TDRD6: variants seen among roughly 807,000 people sequenced by gnomAD.
The protein encoded by TDRD6 is tudor domain containing 6, also known as tudor domain-containing protein 6.
Under a neutral mutation model 157.5 loss-of-function variants are expected in TDRD6, and 186 were observed. That is an observed-to-expected ratio of 1.18 (90% CI 1.05 to 1.33). TDRD6 has a LOEUF of 1.33. TDRD6 is among the 40% of genes most tolerant of loss of function. The probability of loss-of-function intolerance (pLI) is 0.00; values close to 1 mark genes in which losing one functional copy is unlikely to be tolerated. For missense variants in TDRD6, 3,066 were observed against 2,508.0 expected (o/e 1.22, Z -4.75); for synonymous variants, 1,075 against 945.2 (o/e 1.14, Z -2.52).
chr6:46,689,297 G>T lies in TDRD6; in HGVS notation c.1169G>T (p.Arg390Leu). The change falls in exon 1 of 4, where the codon CGG (arginine) becomes CTG (leucine). Residue 390 changes from arginine to leucine, a missense_variant. Physicochemically the swap from Arg to Leu is moderately radical, Grantham distance 102 (BLOSUM62 -2). Coordinates refer to ENST00000316081, the MANE Select transcript of TDRD6 (RefSeq NM_001010870.3). ...TGGGACGGTGGGAGAGGCTGGTCTCGGTCACAGGTCGGTGACCTGAAGACA... is the reference window on the plus strand; with the variant it reads ...TGGGACGGTGGGAGAGGCTGGTCTCTGTCACAGGTCGGTGACCTGAAGACA... Reference protein sequence around the residue: ...GLWDGGRGWSRSQVGDLKTLI... With the variant: ...GLWDGGRGWSLSQVGDLKTLI... 6.2e-7 allele frequency: 1 copy of T among 1,614,114 alleles called. No homozygotes were observed. The highest frequency in any genetic ancestry group is 8.5e-7 in the Non-Finnish European group (1 of 1,180,012).
rs775208684 is a variant in TDRD6, at chr6:46,688,599, C to A, written c.471C>A (p.Phe157Leu). ...PQHWPADAVD[F>L]LSNLQGKEVH... is the part of the protein sequence containing the mutation. ...ACTGGCCCGCCGACGCCGTGGACTT[C>A]CTTAGCAACCTTCAGGGCAAGGAGG... The change falls in exon 1 of 4, where the codon TTC (phenylalanine) becomes TTA (leucine). Residue 157 changes from phenylalanine to leucine, a missense_variant. Transcript: ENST00000316081. 3.1e-6 allele frequency: 5 copies of A among 1,598,872 alleles called. No individual in the cohort carries two copies. The highest frequency in any genetic ancestry group is 3.4e-6 in the Non-Finnish European group (4 of 1,179,630).
rs190343514 is a variant in TDRD6 at position 46,693,361 on chromosome 6, C to T, written c.5233C>T (p.Gln1745Ter). The T allele has an allele frequency of 1.2e-6, 2 of 1,609,692 alleles. No homozygotes were observed. The highest frequency in any genetic ancestry group is 2.2e-5 in the South Asian group (2 of 90,368). ...KAVQNKIYME[Q>*]QTDELAEITE... ...TGTACAAAATAAAATATATATGGAA[C>T]AACAGACAGATGAGCTTGCTGAAAT... Residue 1745 changes from glutamine (Q) to a stop codon, truncating the protein, a stop_gained, in exon 1 of 4, where the codon CAA (glutamine) becomes TAA (stop). Coordinates refer to ENST00000316081, the MANE Select transcript of TDRD6 (RefSeq NM_001010870.3). LOFTEE classifies it high-confidence loss of function.
In TDRD6 at chr6:46,691,885, T is replaced by C. The variant is rs2150679436; in HGVS notation, c.3757T>C (p.Leu1253=). The change falls in exon 1 of 4, where the codon TTA becomes CTA. Residue 1253 remains leucine, a synonymous_variant. Coordinates refer to ENST00000316081, the MANE Select transcript of TDRD6 (RefSeq NM_001010870.3). ...VGNKNSQVFP[L]TTEKKEEISA... ...AAATAAAAATAGTCAAGTGTTTCCA[T>C]TAACAACAGAAAAGAAAGAAGAAAT... 6 of 1,594,190 alleles carry C rather than the reference T, an allele frequency of 3.8e-6. 1 individual carries two copies. In the South Asian group the frequency reaches 5.7e-5, roughly 15 times the overall value.
In TDRD6 at chr6:46,688,982, A is replaced by G. The variant is rs773738181; in HGVS notation, c.854A>G (p.Gln285Arg). ...CACCGCCTCTCCGAGAGCATGGCCC[A>G]GGTATACCGGGGTTCCACGGGGACA... is the stretch of plus-strand genomic sequence containing the variant. Reference protein sequence around the residue: ...EIHRLSESMAQVYRGSTGTGD... With the variant: ...EIHRLSESMARVYRGSTGTGD... The change falls in exon 1 of 4, where the codon CAG becomes CGG. Residue 285 changes from glutamine (Q) to arginine (R), a missense_variant. Coordinates refer to ENST00000316081, the MANE Select transcript of TDRD6 (RefSeq NM_001010870.3). 1.4e-5 allele frequency: 22 copies of G among 1,613,536 alleles called. No individual in the cohort carries two copies. The South Asian group carries it at 2.0e-4, about 15-fold the overall frequency.
chr6:46,690,866 C>T lies in TDRD6; in HGVS notation c.2738C>T (p.Ala913Val), dbSNP rs778111245. 63 of 1,613,264 alleles carry T rather than the reference C, an allele frequency of 3.9e-5. 1 individual carries two copies. Among genetic ancestry groups the T allele is most frequent in the Middle Eastern group, 3.3e-4 (2 of 6,084 alleles). Residue 913 changes from alanine to valine, a missense_variant, in exon 1 of 4, where the codon GCA becomes GTA. Ala to Val is a moderately conservative substitution (Grantham distance 64, BLOSUM62 0). Coordinates refer to ENST00000316081, the MANE Select transcript of TDRD6 (RefSeq NM_001010870.3). ...IQAFNEFIDN[A>V]WQKNLELKCT... is the part of the protein sequence containing the mutation. ...GCTTTCAATGAATTTATAGATAATG[C>T]ATGGCAAAAAAATCTAGAATTAAAA...
Position 46,693,345 on chromosome 6 carries a change from TAAAA to T in TDRD6, c.5218_5221del (p.Lys1740TyrfsTer13), listed in dbSNP as rs1764399852. 6.2e-7 allele frequency: 1 copy of T among 1,604,276 alleles called. No homozygotes were observed. Among genetic ancestry groups the T allele is most frequent in the East Asian group, 2.2e-5 (1 of 44,826 alleles). ...AATTAAGTAATAAAGCTGTACAAAATAAAATATATATGGAACAACAGACAGATGA... is the reference window on the plus strand; with the variant it reads ...AATTAAGTAATAAAGCTGTACAAAATTATATATGGAACAACAGACAGATGA... On this transcript the variant is annotated frameshift_variant, in exon 1 of 4. Transcript: ENST00000316081. LOFTEE classifies it high-confidence loss of function.
chr6:46,687,939 C>G lies in TDRD6; in HGVS notation c.-190C>G. ...GAGGGGCTACCGGGTCTTACCAGTCCGTGGCGGGAGTCCCGGAGGACCCTC... is the reference window on the plus strand; with the variant it reads ...GAGGGGCTACCGGGTCTTACCAGTCGGTGGCGGGAGTCCCGGAGGACCCTC... On this transcript the variant is annotated 5_prime_UTR_variant, in exon 1 of 4. Coordinates refer to ENST00000316081, the MANE Select transcript of TDRD6 (RefSeq NM_001010870.3). The G allele has an allele frequency of 1.1e-6, 1 of 880,874 alleles. No individual in the cohort carries two copies. Among genetic ancestry groups the G allele is most frequent in the Non-Finnish European group, 1.6e-6 (1 of 625,134 alleles). 54.6% of individuals were successfully genotyped at this position (880,874 alleles called of 1,614,324 possible).
chr6:46,684,101 T>G (rs968343541), upstream of TDRD6, among the ~76,000 whole-genome samples: 4 of 152,164 alleles, frequency 2.6e-5, no homozygotes, highest in Admixed American at 6.5e-5. Context: ...TTCAAAAGAC[T>G]ATGCTCTCTC....
chr6:46,683,676 G>T (rs891345100), upstream of TDRD6, among the ~76,000 whole-genome samples: 3 of 151,938 alleles, frequency 2.0e-5, no homozygotes, highest in African/African-American at 7.2e-5. Flanking sequence ...TCCTAGGAGA[G>T]AACATATTTT....
In TDRD6 at chr6:46,690,399, A is replaced by C. The variant is rs758140649; in HGVS notation, c.2271A>C (p.Glu757Asp). Residue 757 changes from glutamate to aspartate, a missense_variant, in exon 1 of 4, where the codon GAA becomes GAC. Glu to Asp is a conservative substitution (Grantham distance 45). Coordinates refer to ENST00000316081, the MANE Select transcript of TDRD6 (RefSeq NM_001010870.3). ...TTCCTCTTATGCAGAATTGCTTGGA[A>C]ATTAAGCCAGGCTCCTCTAGTAAAG... Reference protein sequence around the residue: ...VYFPLMQNCLEIKPGSSSKGE... With the variant: ...VYFPLMQNCLDIKPGSSSKGE... The C allele has an allele frequency of 6.2e-7, 1 of 1,613,974 alleles. No individual in the cohort carries two copies. Among genetic ancestry groups the C allele is most frequent in the East Asian group, 2.2e-5 (1 of 44,886 alleles).
upstream of TDRD6, among the ~76,000 whole-genome samples, chr6:46,684,648 C>T (rs55912983): frequency 0.043 from 6,486 of 152,014 alleles, 179 homozygotes; most frequent in Middle Eastern, 0.13. Context: ...TAAAATTCTA[C>T]GGAGAACCTT....
upstream of TDRD6, among the ~76,000 whole-genome samples, chr6:46,686,507 C>T (rs573303602): frequency 6.7e-6 from 1 of 148,414 alleles, no homozygotes; most frequent in Non-Finnish European, 1.5e-5. Flanking sequence ...ATAACCAATT[C>T]TGCCAGGTTG....
chr6:46,690,413 C>G lies in TDRD6; in HGVS notation c.2285C>G (p.Ser762Cys), dbSNP rs138112065. The change falls in exon 1 of 4, where the codon TCC becomes TGC. Residue 762 changes from serine to cysteine, a missense_variant. Physicochemically the swap from Ser to Cys is moderately radical, Grantham distance 112. Transcript: ENST00000316081. ...AATTGCTTGGAAATTAAGCCAGGCT[C>G]CTCTAGTAAAGGAGAGCTGGAAGTT... ...MQNCLEIKPG[S>C]SSKGELEVGS... is the part of the protein sequence containing the mutation. 6.2e-7 allele frequency: 1 copy of G among 1,613,970 alleles called. No homozygotes were observed. Among genetic ancestry groups the G allele is most frequent in the Non-Finnish European group, 8.5e-7 (1 of 1,180,028 alleles).
At position 46,692,869 on chromosome 6, in the gene TDRD6, G is replaced by C; in HGVS notation, c.4741G>C (p.Asp1581His). 1 of 1,614,114 alleles carries C rather than the reference G, an allele frequency of 6.2e-7. No individual in the cohort carries two copies. Among genetic ancestry groups the C allele is most frequent in the South Asian group, 1.1e-5 (1 of 91,074 alleles). The change falls in exon 1 of 4, where the codon GAT becomes CAT. Residue 1581 changes from aspartate to histidine, a missense_variant. Transcript: ENST00000316081. ...GDPCIVRYRE[D>H]GHYYRALITN... ...TCCTTGTATAGTAAGATACAGAGAA[G>C]ATGGACATTATTATAGGGCACTTAT...
At chr6:46,696,820 C>A (rs1056450067) in intron 2 of TDRD6, among the ~76,000 whole-genome samples, 1 of 150,694 alleles carries the variant, frequency 6.6e-6, no homozygotes, top group African/African-American at 2.4e-5. Flanking sequence ...ACCTTGTTAG[C>A]GAGGATGGTC....
chr6:46,692,229 T>C lies in TDRD6; in HGVS notation c.4101T>C (p.Asn1367=). 1 of 1,614,102 alleles carries C rather than the reference T, an allele frequency of 6.2e-7. No individual in the cohort carries two copies. The highest frequency in any genetic ancestry group is 8.5e-7 in the Non-Finnish European group (1 of 1,179,992). ...DMICAVFPED[N]LWYRAVIKEQ... ...TATGTGCTGTTTTCCCAGAAGATAATTTATGGTATCGTGCTGTGATCAAGG... is the reference window on the plus strand; with the variant it reads ...TATGTGCTGTTTTCCCAGAAGATAACTTATGGTATCGTGCTGTGATCAAGG... The change falls in exon 1 of 4, where the codon AAT becomes AAC. Residue 1367 remains asparagine, a synonymous_variant. Coordinates refer to ENST00000316081, the MANE Select transcript of TDRD6 (RefSeq NM_001010870.3).
Position 46,688,720 on chromosome 6 carries a change from C to G in TDRD6, c.592C>G (p.Arg198Gly), listed in dbSNP as rs781647844. The change falls in exon 1 of 4, where the codon CGG (arginine) becomes GGG (glycine). Residue 198 changes from arginine to glycine, a missense_variant. Coordinates refer to ENST00000316081, the MANE Select transcript of TDRD6 (RefSeq NM_001010870.3). The part of the protein sequence containing the change: ...FQQMRELGLA[R>G]RVPDSLFRSL... ...ACAGATGCGGGAGCTGGGCCTGGCT[C>G]GGCGGGTGCCCGACAGCCTCTTCCG... 5 of 1,599,236 alleles carry G rather than the reference C, an allele frequency of 3.1e-6. No homozygotes were observed. The highest frequency in any genetic ancestry group is 1.3e-5 in the African/African-American group (1 of 75,038).
At position 46,687,977 on chromosome 6, in the gene TDRD6, G is replaced by C; in HGVS notation, c.-152G>C. 8.1e-7 allele frequency: 1 copy of C among 1,241,042 alleles called. No individual in the cohort carries two copies. The highest frequency in any genetic ancestry group is 1.1e-6 in the Non-Finnish European group (1 of 951,216). The allele number at this position is 1,241,042 out of a possible 1,614,324, so 76.9% of individuals were successfully genotyped here. A position where few individuals can be genotyped will look rare whatever the true frequency, so the allele number is the denominator to read the frequency against. On this transcript the variant is annotated 5_prime_UTR_variant, in exon 1 of 4. Coordinates refer to ENST00000316081, the MANE Select transcript of TDRD6 (RefSeq NM_001010870.3). ...CCGGAGGACCCTCGACGGGGGAGTT[G>C]CCGAGAAAAGGCCTCGCCGGCATTC...
chr6:46,691,328 T>G lies in TDRD6; in HGVS notation c.3200T>G (p.Phe1067Cys), dbSNP rs763602467. The G allele has an allele frequency of 6.2e-7, 1 of 1,614,050 alleles. No individual in the cohort carries two copies. Among genetic ancestry groups the G allele is most frequent in the Non-Finnish European group, 8.5e-7 (1 of 1,179,956 alleles). The part of the protein sequence containing the change: ...KEPKKVFFVD[F>C]GNIYVVTSDD... The stretch of plus-strand genomic sequence containing the variant: ...CCAAAGAAAGTCTTCTTTGTTGATT[T>G]TGGGAATATTTATGTAGTAACAAGT... The change falls in exon 1 of 4, where the codon TTT becomes TGT. Residue 1067 changes from phenylalanine (F) to cysteine (C), a missense_variant. By Grantham distance (205) the Phe-to-Cys change is radical. Transcript: ENST00000316081.
Sources: gnomAD v4.1 joint callset for allele counts (sites outside exome capture counted in the v4.1 genomes callset) on GRCh38, gnomAD v4.1.1 for gene constraint, MANE v1.5 for transcripts, NCBI Gene and HGNC (gene_info 2026-07-23, HGNC 2026-07-21) for gene names.